The following DACH1 variants were observed in gnomAD, a reference collection of about 807,000 sequenced individuals.
DACH1 encodes the protein dachshund homolog 1.
Under a neutral mutation model 54.2 loss-of-function variants are expected in DACH1, and 12 were observed. That is an observed-to-expected ratio of 0.22 (90% CI 0.14 to 0.36). The LOEUF (loss-of-function observed/expected upper bound fraction) is 0.36, where lower values mean the gene tolerates loss of function less well. Ranked by LOEUF, DACH1 falls within the 10% of genes least tolerant of loss-of-function variation. The pLI, the probability that DACH1 is intolerant of heterozygous loss-of-function variation, is 1.00. For synonymous variants in DACH1, 386 were observed against 366.2 expected (o/e 1.05, Z -0.62); for missense variants, 805 against 929.8 (o/e 0.87, Z 1.75).
intron 1 of DACH1, among the ~76,000 whole-genome samples, chr13:71,718,516 C>T (rs1269042609): frequency 1.4e-5 from 2 of 147,172 alleles, no homozygotes; most frequent in Admixed American, 1.4e-4. Context: ...ATCCAAAATG[C>T]AGTGAGCTAT....
intron 4 of DACH1, among the ~76,000 whole-genome samples, chr13:71,560,912 A>G (rs1412449121): frequency 6.6e-6 from 1 of 152,216 alleles, no homozygotes; most frequent in Non-Finnish European, 1.5e-5. Flanking sequence ...AAAACTATAT[A>G]AAGTATGTAG....
chr13:71,765,874 C>A (rs1594194502), intron 1 of DACH1, among the ~76,000 whole-genome samples: 1 of 144,898 alleles, frequency 6.9e-6, no homozygotes, highest in Admixed American at 7.3e-5. Flanking sequence ...GATTATTCTT[C>A]TTCTTCTTCA....
At chr13:71,558,386 T>C (rs1884387556) in intron 5 of DACH1, among the ~76,000 whole-genome samples, 1 of 152,062 alleles carries the variant, frequency 6.6e-6, no homozygotes, top group Admixed American at 6.6e-5. Context: ...TTTCAACAAT[T>C]ATGGTATCCC....
At chr13:71,671,093 T>A (rs1289417660) in intron 2 of DACH1, among the ~76,000 whole-genome samples, 2 of 151,978 alleles carry the variant, frequency 1.3e-5, no homozygotes, top group African/African-American at 4.8e-5. Flanking sequence ...TCTGATGATG[T>A]TTACTGTTTA....
intron 1 of DACH1, among the ~76,000 whole-genome samples, chr13:71,697,038 C>A (rs1212252577): frequency 6.6e-6 from 1 of 152,122 alleles, no homozygotes; most frequent in African/African-American, 2.4e-5. Context: ...TGCACTGGGT[C>A]CACTTAATAG....
intron 10 of DACH1, among the ~76,000 whole-genome samples, chr13:71,447,069 G>T (rs1874534355): frequency 6.6e-6 from 1 of 152,090 alleles, no homozygotes; most frequent in South Asian, 2.1e-4. Context: ...CTATAATTTG[G>T]TGTATAAGAA....
rs138809518 is a variant in DACH1 at position 71,509,339 on chromosome 13, A to C, written c.1571-20191T>G. Among the ~76,000 whole-genome samples the C allele has an allele frequency of 2.7e-3, 409 of 152,286 alleles. 2 individuals are homozygous for C. The highest frequency in any genetic ancestry group is 9.3e-3 in the African/African-American group (386 of 41,568). Reference sequence around the variant, plus strand: ...TTCATGAAACAGATCAGAAACTGGAAAGGATGTGAATTAAAACCAACTCAT... The same window carrying C: ...TTCATGAAACAGATCAGAAACTGGACAGGATGTGAATTAAAACCAACTCAT... On this transcript the variant is annotated intron_variant, in intron 6 of 10. Transcript: ENST00000613252.
intron 1 of DACH1, among the ~76,000 whole-genome samples, chr13:71,816,678 A>T (rs1339620407): frequency 7.5e-6 from 1 of 133,982 alleles, no homozygotes; most frequent in South Asian, 2.3e-4. Context: ...ATATACACAC[A>T]TATATATATA....
At chr13:71,861,033 T>C (rs1053751101) in intron 1 of DACH1, among the ~76,000 whole-genome samples, 2 of 151,892 alleles carry the variant, frequency 1.3e-5, no homozygotes, top group Non-Finnish European at 2.9e-5. Context: ...ATATAGGGTG[T>C]CACATCTCAG....
At chr13:71,481,686 C>T (rs1398513858) in intron 7 of DACH1, among the ~76,000 whole-genome samples, 1 of 152,132 alleles carries the variant, frequency 6.6e-6, no homozygotes, top group African/African-American at 2.4e-5. Context: ...TAGAGCCAAA[C>T]TGATGCATAT....
chr13:71,866,470 A>ACCGCCG lies in DACH1; in HGVS notation c.294_299dup (p.Gly100_Gly101dup), dbSNP rs534501618. 2 of 1,256,898 alleles carry ACCGCCG rather than the reference A, an allele frequency of 1.6e-6. No homozygotes were observed. Among genetic ancestry groups the ACCGCCG allele is most frequent in the East Asian group, 3.3e-5 (1 of 30,356 alleles). 77.9% of individuals were successfully genotyped at this position (1,256,898 alleles called of 1,614,324 possible). ...CCAGGTTGGGGTTGCAGTTGCTGCC[A>ACCGCCG]CCGCCGCCGCCGCCACCGCCGCCTC... On this transcript the variant is annotated inframe_insertion, in exon 1 of 11. Coordinates refer to ENST00000613252, the MANE Select transcript of DACH1 (RefSeq NM_080759.6).
intron 2 of DACH1, among the ~76,000 whole-genome samples, chr13:71,680,247 T>C (rs1265973589): frequency 6.6e-6 from 1 of 152,200 alleles, no homozygotes; most frequent in East Asian, 1.9e-4. Context: ...TATATCTCAA[T>C]TTTTCATGCA....
Position 71,747,513 on chromosome 13 carries a change from G to A in DACH1, c.849-65603C>T, listed in dbSNP as rs143893452. 4.6e-4 allele frequency among the ~76,000 whole-genome samples: 70 copies of A among 152,188 alleles called. No homozygotes were observed. In the East Asian group the frequency reaches 0.012, roughly 25 times the overall value. On this transcript the variant is annotated intron_variant, in intron 1 of 10. Coordinates refer to ENST00000613252, the MANE Select transcript of DACH1 (RefSeq NM_080759.6). ...GGAAAATTGTTTGAACCTAGGAGGC[G>A]GAGGTTGCAGTGAGCAGAGATCGCA...
At chr13:71,445,931 T>C (rs1011048130) in intron 10 of DACH1, among the ~76,000 whole-genome samples, 9 of 152,132 alleles carry the variant, frequency 5.9e-5, no homozygotes, top group African/African-American at 2.2e-4. Flanking sequence ...AGGAAGGATA[T>C]ATGGTCCTAT....
chr13:71,718,889 A>G (rs1024157765), intron 1 of DACH1, among the ~76,000 whole-genome samples: 5 of 152,208 alleles, frequency 3.3e-5, no homozygotes, highest in Admixed American at 1.3e-4. Flanking sequence ...TGGCTGCTCT[A>G]TCAACATTCC....
intron 1 of DACH1, among the ~76,000 whole-genome samples, chr13:71,739,679 G>A (rs80340555): frequency 0.045 from 6,901 of 152,236 alleles, 523 homozygotes; most frequent in African/African-American, 0.16. Flanking sequence ...CTAGGAACCT[G>A]AAGTGGTTTT....
intron 1 of DACH1, among the ~76,000 whole-genome samples, chr13:71,743,695 A>G (rs1348292028): frequency 6.6e-6 from 1 of 152,174 alleles, no homozygotes; most frequent in East Asian, 1.9e-4. Context: ...AACAGATTTT[A>G]TGGCTTTATA....
chr13:71,602,321 C>T (rs985707895), intron 3 of DACH1, among the ~76,000 whole-genome samples: 221 of 151,960 alleles, frequency 1.5e-3, no homozygotes, highest in African/African-American at 5.2e-3. Context: ...AAATAGAAAA[C>T]ATTGTTAGAA....
intron 6 of DACH1, among the ~76,000 whole-genome samples, chr13:71,496,075 G>T (rs1252487148): frequency 6.6e-6 from 1 of 151,278 alleles, no homozygotes; most frequent in African/African-American, 2.4e-5. Context: ...TCTACTAAAA[G>T]TACAAAAATT....
Sources: gnomAD v4.1 joint callset for allele counts (sites outside exome capture counted in the v4.1 genomes callset) on GRCh38, gnomAD v4.1.1 for gene constraint, MANE v1.5 for transcripts, NCBI Gene and HGNC (gene_info 2026-07-23, HGNC 2026-07-21) for gene names.